Variants in HMGCLL1 observed in about 807,000 individuals in gnomAD.
HMGCLL1 encodes 3-hydroxy-3-methylglutaryl-CoA lyase like 1.
HMGCLL1 carries 36 observed loss-of-function variants against 39.1 expected under a neutral mutation model. The ratio of observed to expected loss-of-function variants is 0.92; its 90% confidence interval spans 0.71 to 1.22. HMGCLL1 has a LOEUF of 1.22. Among genes scored for constraint, HMGCLL1 ranks in the 50% most tolerant of loss-of-function variants. HMGCLL1 has a pLI of 0.00. For missense variants in HMGCLL1, 451 were observed against 416.5 expected, an observed-to-expected ratio of 1.08 and a Z score of -0.72; for synonymous variants, 149 against 144.0, an observed-to-expected ratio of 1.03 and a Z score of -0.25.
At chr6:55,593,897 A>C in the HMGCLL1 span, among the ~76,000 whole-genome samples, 10 of 152,318 alleles carry the variant, frequency 6.6e-5, no homozygotes, top group East Asian at 1.7e-3. Flanking sequence ...TACTTGACTA[A>C]AGTCACAATA....
intron 6 of HMGCLL1, 32 bp downstream of exon 6, chr6:55,499,204 C>A: frequency 6.4e-7 from 1 of 1,562,696 alleles, no homozygotes; most frequent in South Asian, 1.2e-5. Context: ...ATCATGTTAC[C>A]ATAAACCAAA....
intron 3 of HMGCLL1, among the ~76,000 whole-genome samples, chr6:55,528,220 A>G (rs2127446602): frequency 1.3e-5 from 2 of 152,176 alleles, no homozygotes; most frequent in Middle Eastern, 6.8e-3. Context: ...AACTGACAGT[A>G]TTACTTTCTA....
chr6:55,511,661 G>A (rs1002562617), intron 5 of HMGCLL1, among the ~76,000 whole-genome samples: 1 of 152,054 alleles, frequency 6.6e-6, no homozygotes, highest in African/African-American at 2.4e-5. Flanking sequence ...TCAACTAGTT[G>A]AGCATGGCTC....
intron 7 of HMGCLL1, among the ~76,000 whole-genome samples, chr6:55,474,007 G>A (rs1765168792): frequency 6.6e-6 from 1 of 151,460 alleles, no homozygotes; most frequent in African/African-American, 2.4e-5. Flanking sequence ...TAGATACGGT[G>A]TATTTTTTCT....
At chr6:55,587,740 C>T in the HMGCLL1 span, among the ~76,000 whole-genome samples, 3 of 152,040 alleles carry the variant, frequency 2.0e-5, no homozygotes, top group Non-Finnish European at 4.4e-5. Context: ...CAAAAAAAGG[C>T]AGGGGTTGCA....
chr6:55,551,940 A>C (rs2127464928), intron 1 of HMGCLL1, among the ~76,000 whole-genome samples: 1 of 152,116 alleles, frequency 6.6e-6, no homozygotes, highest in East Asian at 1.9e-4. Flanking sequence ...TCATTCACCT[A>C]TTGTCTGTCA....
chr6:55,524,768 T>A (rs1253124379), intron 3 of HMGCLL1, among the ~76,000 whole-genome samples: 1 of 151,858 alleles, frequency 6.6e-6, no homozygotes, highest in Non-Finnish European at 1.5e-5. Context: ...CTAATGATTG[T>A]CCCTTGGAAA....
the HMGCLL1 span, among the ~76,000 whole-genome samples, chr6:55,643,371 G>T: frequency 8.6e-5 from 13 of 151,960 alleles, 1 homozygote; most frequent in African/African-American, 3.1e-4. Flanking sequence ...GGTTTGATTT[G>T]CATTGCTTTC....
intron 7 of HMGCLL1, among the ~76,000 whole-genome samples, chr6:55,491,303 A>G (rs1156283280): frequency 6.6e-6 from 1 of 152,226 alleles, no homozygotes; most frequent in East Asian, 1.9e-4. Context: ...TACATATGTA[A>G]CTAACCTGCA....
the HMGCLL1 span, among the ~76,000 whole-genome samples, chr6:55,655,224 A>G: frequency 2.6e-5 from 4 of 151,900 alleles, no homozygotes; most frequent in Non-Finnish European, 5.9e-5. Flanking sequence ...TAGTCGATAG[A>G]CTTTCCTTCT....
At chr6:55,564,544 G>A (rs1473116456) in intron 1 of HMGCLL1, among the ~76,000 whole-genome samples, 4 of 152,036 alleles carry the variant, frequency 2.6e-5, no homozygotes, top group Non-Finnish European at 5.9e-5. Context: ...TTATAAACAA[G>A]ATTAAATATT....
intron 1 of HMGCLL1, among the ~76,000 whole-genome samples, chr6:55,545,099 T>A (rs556078031): frequency 1.9e-4 from 29 of 152,058 alleles, no homozygotes; most frequent in African/African-American, 6.7e-4. Context: ...TAGGCAATCT[T>A]AAGCCATGTG....
At chr6:55,646,289 C>T in the HMGCLL1 span, among the ~76,000 whole-genome samples, 1 of 151,306 alleles carries the variant, frequency 6.6e-6, no homozygotes, top group Non-Finnish European at 1.5e-5. Flanking sequence ...TTTTTTCTTT[C>T]TTAGTTACTC....
the HMGCLL1 span, among the ~76,000 whole-genome samples, chr6:55,619,783 A>G: frequency 0.2 from 29,795 of 151,970 alleles, 3,236 homozygotes; most frequent in African/African-American, 0.28. Flanking sequence ...ATCAAATAGT[A>G]GATCTTACTC....
chr6:55,650,100 T>TATATATATATACACACATATAC, the HMGCLL1 span, among the ~76,000 whole-genome samples: 3 of 33,180 alleles, frequency 9.0e-5, no homozygotes, highest in Admixed American at 7.4e-4. Context: ...CATATATATA[T>TATATATATATACACACATATAC]ATATATATAT....
At chr6:55,438,873 G>C (rs1028340717) in intron 8 of HMGCLL1, among the ~76,000 whole-genome samples, 1 of 151,994 alleles carries the variant, frequency 6.6e-6, no homozygotes, top group Admixed American at 6.6e-5. Flanking sequence ...GGCAAAACAA[G>C]GTGCTGAATT....
At chr6:55,475,750 A>T (rs1050178613) in intron 7 of HMGCLL1, among the ~76,000 whole-genome samples, 7 of 151,608 alleles carry the variant, frequency 4.6e-5, no homozygotes, top group African/African-American at 1.5e-4. Flanking sequence ...CATGTTATTT[A>T]CTTCTATAGT....
rs757486301 is a variant in HMGCLL1 at position 55,434,956 on chromosome 6, C to T, written c.*706G>A. On this transcript the variant is annotated 3_prime_UTR_variant, in exon 9 of 9. Coordinates refer to ENST00000274901, the MANE Select transcript of HMGCLL1 (RefSeq NM_001042406.2). Reference sequence around the variant, plus strand: ...CAATTTCTCAATAGTTGAGTAACACCATGCTGGTTTTTACTATAACTGATG... The same window carrying T: ...CAATTTCTCAATAGTTGAGTAACACTATGCTGGTTTTTACTATAACTGATG... 6.6e-6 allele frequency: 1 copy of T among 152,190 alleles called. No individual in the cohort carries two copies. The highest frequency in any genetic ancestry group is 1.5e-5 in the Non-Finnish European group (1 of 67,968). 9.4% of individuals were successfully genotyped at this position (152,190 alleles called of 1,614,324 possible). A position where few individuals can be genotyped will look rare whatever the true frequency, so the allele number is the denominator to read the frequency against.
At chr6:55,562,313 T>C (rs1026464280) in intron 1 of HMGCLL1, among the ~76,000 whole-genome samples, 7 of 152,192 alleles carry the variant, frequency 4.6e-5, no homozygotes, top group African/African-American at 1.7e-4. Flanking sequence ...TTTAGTTGAT[T>C]GACTAAATTT....
Sources: gnomAD v4.1 joint callset for allele counts (sites outside exome capture counted in the v4.1 genomes callset) on GRCh38, gnomAD v4.1.1 for gene constraint, MANE v1.5 for transcripts, NCBI Gene and HGNC (gene_info 2026-07-23, HGNC 2026-07-21) for gene names.